FERMT1: variants seen among roughly 807,000 people sequenced by gnomAD.
FERMT1 encodes the protein FERM domain containing kindlin 1.
In FERMT1, 60 loss-of-function variants were observed where a neutral mutation model predicts 85.3. The ratio of observed to expected loss-of-function variants is 0.70; its 90% CI spans 0.57 to 0.87. The LOEUF (loss-of-function observed/expected upper bound fraction) is 0.87, where lower values mean the gene tolerates loss of function less well. Among genes scored for constraint, FERMT1 ranks in the 40% least tolerant of loss-of-function variants. FERMT1 has a pLI of 0.00. For synonymous variants in FERMT1, 275 were observed against 301.1 expected, an observed-to-expected ratio of 0.91 and a Z score of 0.90; for missense variants, 701 against 818.9, an observed-to-expected ratio of 0.86 and a Z score of 1.76.
At chr20:6,116,896 C>T (rs980662486) in intron 2 of FERMT1, among the ~76,000 whole-genome samples, 1 of 152,182 alleles carries the variant, frequency 6.6e-6, no homozygotes. Flanking sequence ...TTTGTTTAAT[C>T]AAGATTATTT....
intron 13 of FERMT1, among the ~76,000 whole-genome samples, chr20:6,083,489 CACACCACGAG>C: frequency 6.6e-6 from 1 of 152,038 alleles, no homozygotes; most frequent in South Asian, 2.1e-4. Flanking sequence ...TCTGCAAAGC[CACACCACGAG>C]ACACTATGAG....
intron 5 of FERMT1, among the ~76,000 whole-genome samples, chr20:6,108,949 C>T (rs763358470): frequency 1.3e-5 from 2 of 152,130 alleles, no homozygotes; most frequent in Non-Finnish European, 1.5e-5. Flanking sequence ...GAACTTTCTG[C>T]AATGAGAGAA....
chr20:6,097,667 T>A, intron 6 of FERMT1, 36 bp from the exon 7 acceptor site: 1 of 1,310,894 alleles, frequency 7.6e-7, no homozygotes, highest in Non-Finnish European at 1.1e-6. Context: ...TGTAATGAGG[T>A]ATATTTATAT....
At chr20:6,115,761 C>T in intron 3 of FERMT1, 50 bp downstream of exon 3, 1 of 1,365,190 alleles carries the variant, frequency 7.3e-7, no homozygotes, top group South Asian at 1.2e-5. Flanking sequence ...ATTTTCCTGT[C>T]TAGCTTTGCA....
At chr20:6,121,523 T>C (rs770917955) in intron 1 of FERMT1, among the ~76,000 whole-genome samples, 4 of 152,268 alleles carry the variant, frequency 2.6e-5, no homozygotes, top group Non-Finnish European at 4.4e-5. Flanking sequence ...TGCCACTCAG[T>C]GACTGCATTA....
chr20:6,116,118 A>G lies in FERMT1; in HGVS notation c.152-74T>C, dbSNP rs192949340. The G allele has an allele frequency of 8.2e-4, 851 of 1,040,712 alleles. 6 individuals carry two copies. In the African/African-American group the frequency reaches 0.012, roughly 15 times the overall value. The allele number at this position is 1,040,712 out of a possible 1,614,324, so 64.5% of individuals were successfully genotyped here. On this transcript the variant is annotated intron_variant, in intron 2 of 14. Transcript: ENST00000217289. ...GGAGGGTCCTGGAGCTGCAGAGTCAATTTCATTGTGTGCGAAAATGGAAAC... is the reference window on the plus strand; with the variant it reads ...GGAGGGTCCTGGAGCTGCAGAGTCAGTTTCATTGTGTGCGAAAATGGAAAC...
At chr20:6,122,357 C>G (rs1479364253) in intron 1 of FERMT1, among the ~76,000 whole-genome samples, 1 of 152,168 alleles carries the variant, frequency 6.6e-6, no homozygotes, top group Non-Finnish European at 1.5e-5. Context: ...CTGAAAAGCC[C>G]TTCGCAGACA....
At chr20:6,101,090 A>AT (rs1430646892) in intron 6 of FERMT1, among the ~76,000 whole-genome samples, 2 of 152,194 alleles carry the variant, frequency 1.3e-5, no homozygotes, top group African/African-American at 4.8e-5. Context: ...CCTAATTTCC[A>AT]TTTTCCTATC....
chr20:6,122,261 G>A (rs1983296387), intron 1 of FERMT1, among the ~76,000 whole-genome samples: 1 of 152,212 alleles, frequency 6.6e-6, no homozygotes, highest in Admixed American at 6.5e-5. Flanking sequence ...GCAGCAAGCT[G>A]TTACTTGTCA....
chr20:6,103,157 T>C (rs1356810065), intron 6 of FERMT1, among the ~76,000 whole-genome samples: 1 of 152,208 alleles, frequency 6.6e-6, no homozygotes, highest in Non-Finnish European at 1.5e-5. Flanking sequence ...AATAAAAAGT[T>C]AGTCCCCCTC....
intron 5 of FERMT1, among the ~76,000 whole-genome samples, chr20:6,109,872 A>G (rs1048383087): frequency 5.4e-5 from 8 of 148,512 alleles, no homozygotes; most frequent in Non-Finnish European, 8.9e-5. Context: ...ATTGCACTCC[A>G]GCCTGGGCAA....
intron 13 of FERMT1, among the ~76,000 whole-genome samples, chr20:6,082,653 T>C (rs1310609460): frequency 1.3e-5 from 2 of 152,130 alleles, no homozygotes; most frequent in Non-Finnish European, 2.9e-5. Flanking sequence ...GTCTGTTTTT[T>C]CTGTTGTTTT....
intron 6 of FERMT1, among the ~76,000 whole-genome samples, chr20:6,102,679 G>GAAAAA (rs769578429): frequency 3.4e-3 from 164 of 48,796 alleles, no homozygotes; most frequent in Non-Finnish European, 4.1e-3. Flanking sequence ...TGTGTCTCAA[G>GAAAAA]AAAAAAAAAA....
rs1034466613 is a variant in FERMT1, at chr20:6,107,729, T to A, written c.747-95A>T. 4 of 662,630 alleles carry A rather than the reference T, an allele frequency of 6.0e-6. No homozygotes were observed. In the Admixed American group the frequency reaches 6.6e-5, roughly 11 times the overall value. 41.0% of individuals were successfully genotyped at this position (662,630 alleles called of 1,614,324 possible). On this transcript the variant is annotated intron_variant, in intron 5 of 14. Coordinates refer to ENST00000217289, the MANE Select transcript of FERMT1 (RefSeq NM_017671.5). The stretch of plus-strand genomic sequence containing the variant: ...ATATATTATATACTACATATATATA[T>A]CCTTGAACAAAATCAGGGTATGTAA...
chr20:6,079,357 T>TTTTTTTTTTTTTTTTTTTTTTG (rs1981928383), intron 14 of FERMT1, 79 bp downstream of exon 14: 1 of 1,465,266 alleles, frequency 6.8e-7, no homozygotes, highest in African/African-American at 1.4e-5. Flanking sequence ...GAACACCTTT[T>TTTTTTTTTTTTTTTTTTTTTTG]AAAACTCAGA....
In FERMT1 at chr20:6,079,463, C is replaced by T. The variant is rs1981933236; in HGVS notation, c.1833G>A (p.Gln611=). 5 of 1,614,132 alleles carry T rather than the reference C, an allele frequency of 3.1e-6. No homozygotes were observed. Among genetic ancestry groups the T allele is most frequent in the Non-Finnish European group, 4.2e-6 (5 of 1,180,016 alleles). The change falls in exon 14 of 15, where the codon CAG becomes CAA. Residue 611 remains glutamine, a synonymous_variant. Coordinates refer to ENST00000217289, the MANE Select transcript of FERMT1 (RefSeq NM_017671.5). ...VTTWRFTNIK[Q]WNVNWETRQV... is the part of the protein sequence containing the mutation. ...GCCGGGTTTCCCAGTTTACATTCCA[C>T]TGTTTGATATTTGTGAATCTCCATG...
intron 13 of FERMT1, among the ~76,000 whole-genome samples, chr20:6,082,812 C>T (rs1017996021): frequency 2.2e-4 from 34 of 152,108 alleles, no homozygotes; most frequent in African/African-American, 7.7e-4. Context: ...CACACCACCA[C>T]GCCCAGCTAA....
At position 6,110,171 on chromosome 20, in the gene FERMT1, A is replaced by T. The variant is rs1297922002; in HGVS notation, c.746+127T>A. On this transcript the variant is annotated intron_variant, in intron 5 of 14. Coordinates refer to ENST00000217289, the MANE Select transcript of FERMT1 (RefSeq NM_017671.5). ...TGAATTTTTCCCCTTTGTTGCTAAA[A>T]TCAGCACTAACTTTTGCAAATAAAG... The T allele has an allele frequency of 1.1e-5, 9 of 804,498 alleles. No individual in the cohort carries two copies. In the Admixed American group the frequency reaches 1.8e-4, roughly 16 times the overall value. 49.8% of individuals were successfully genotyped at this position (804,498 alleles called of 1,614,324 possible). A position where few individuals can be genotyped will look rare whatever the true frequency, so the allele number is the denominator to read the frequency against.
intron 14 of FERMT1, 105 bp from the exon 15 acceptor site, chr20:6,077,451 A>ATCCATCTGTTATCCACCTC: frequency 9.7e-7 from 1 of 1,034,546 alleles, no homozygotes; most frequent in Non-Finnish European, 1.5e-6. Context: ...TGAGGTGGAT[A>ATCCATCTGTTATCCACCTC]ACAGATGGAT....
Sources: allele counts gnomAD v4.1 joint callset (sites outside exome capture counted in the v4.1 genomes callset), GRCh38; gene constraint gnomAD v4.1.1; transcripts MANE v1.5; gene names NCBI Gene and HGNC (gene_info 2026-07-23, HGNC 2026-07-21).